Variants in LIN28B observed in about 807,000 individuals in gnomAD.
The protein encoded by LIN28B is lin-28 RNA binding posttranscriptional regulator B, also known as protein lin-28 homolog B.
A neutral mutation model predicts 21.9 loss-of-function variants in LIN28B; 5 were observed. That is an observed-to-expected ratio of 0.23 (90% CI 0.12 to 0.48). LIN28B has a LOEUF of 0.48. Ranked by LOEUF, LIN28B falls within the 20% of genes least tolerant of loss-of-function variation. The pLI is 0.98. For synonymous variants in LIN28B, 109 were observed against 111.3 expected, an observed-to-expected ratio of 0.98 and a Z score of 0.13; for missense variants, 245 against 310.5, an observed-to-expected ratio of 0.79 and a Z score of 1.58.
intron 3 of LIN28B, among the ~76,000 whole-genome samples, chr6:105,072,104 G>GTGTGTA (rs1374384138): frequency 6.6e-6 from 1 of 152,018 alleles, no homozygotes; most frequent in African/African-American, 2.4e-5. Flanking sequence ...GTGTGTGTGT[G>GTGTGTA]TGTGTATTAG....
intron 3 of LIN28B, among the ~76,000 whole-genome samples, chr6:105,049,562 A>C (rs1407937240): frequency 6.6e-6 from 1 of 151,930 alleles, no homozygotes; most frequent in East Asian, 1.9e-4. Flanking sequence ...ATCCTTGTTA[A>C]CTTTCTGTCT....
intron 2 of LIN28B, among the ~76,000 whole-genome samples, chr6:104,982,092 A>G (rs528255224): frequency 2.0e-5 from 3 of 152,212 alleles, no homozygotes; most frequent in Admixed American, 2.0e-4. Flanking sequence ...AGGTGGGCGG[A>G]TCATCAGGTC....
chr6:105,019,244 A>G (rs1403670143), intron 2 of LIN28B, among the ~76,000 whole-genome samples: 3 of 152,076 alleles, frequency 2.0e-5, no homozygotes, highest in South Asian at 2.1e-4. Context: ...CACCGCGCCC[A>G]TCTGGTCTTT....
rs1004486301 is a variant in LIN28B at position 105,063,638 on chromosome 6, G to C, written c.384-14776G>C. ...GCGACAGAGCAAGACTCCATCTCGG[G>C]GGGGGGGGGGAAAAAAAGGTAAAGT... is the stretch of plus-strand genomic sequence containing the variant. On this transcript the variant is annotated intron_variant, in intron 3 of 3. Coordinates refer to ENST00000345080, the MANE Select transcript of LIN28B (RefSeq NM_001004317.4). Among the ~76,000 whole-genome samples, 72 of 100,804 alleles carry C rather than the reference G, an allele frequency of 7.1e-4. 1 individual carries two copies. The highest frequency in any genetic ancestry group is 4.3e-3 in the Middle Eastern group (1 of 234). The allele number at this position is 100,804 out of a possible 152,430, so 66.1% of individuals were successfully genotyped here. A position where few individuals can be genotyped will look rare whatever the true frequency, so the allele number is the denominator to read the frequency against.
chr6:105,055,989 G>T (rs1248710436), intron 3 of LIN28B, among the ~76,000 whole-genome samples: 2 of 131,714 alleles, frequency 1.5e-5, no homozygotes, highest in Admixed American at 1.9e-4. Flanking sequence ...CTGAACTCCT[G>T]GGCTCAAGCA....
chr6:105,058,432 G>C (rs1473608998), intron 3 of LIN28B, among the ~76,000 whole-genome samples: 1 of 152,200 alleles, frequency 6.6e-6, no homozygotes, highest in Non-Finnish European at 1.5e-5. Flanking sequence ...ATTCTGGACA[G>C]ATCTTAGGCT....
intron 3 of LIN28B, among the ~76,000 whole-genome samples, chr6:105,037,225 A>G (rs960909065): frequency 1.3e-5 from 2 of 152,100 alleles, no homozygotes; most frequent in Non-Finnish European, 2.9e-5. Flanking sequence ...GAATCCTTCC[A>G]CTGAAATACT....
At chr6:105,037,002 G>A (rs1344177695) in intron 3 of LIN28B, among the ~76,000 whole-genome samples, 1 of 152,138 alleles carries the variant, frequency 6.6e-6, no homozygotes, top group Admixed American at 6.5e-5. Context: ...ATTGTTCAGA[G>A]TATCACTTGT....
chr6:105,015,577 G>A (rs9500013), intron 2 of LIN28B, among the ~76,000 whole-genome samples: 3,415 of 152,044 alleles, frequency 0.022, 153 homozygotes, highest in African/African-American at 0.079. Flanking sequence ...ATATTCTTCT[G>A]TTTATCTCAT....
At chr6:104,961,675 C>T (rs892522268) in intron 2 of LIN28B, among the ~76,000 whole-genome samples, 1 of 152,176 alleles carries the variant, frequency 6.6e-6, no homozygotes, top group African/African-American at 2.4e-5. Context: ...GCTGGGATTA[C>T]AGGCGTGAGC....
At chr6:104,958,843 G>T (rs1769647783) in intron 2 of LIN28B, among the ~76,000 whole-genome samples, 1 of 152,142 alleles carries the variant, frequency 6.6e-6, no homozygotes, top group Non-Finnish European at 1.5e-5. Context: ...GGCCTAATGT[G>T]GTTGTAAAGA....
intron 2 of LIN28B, among the ~76,000 whole-genome samples, chr6:104,992,644 C>T (rs1770515664): frequency 1.3e-5 from 2 of 152,048 alleles, no homozygotes; most frequent in East Asian, 3.9e-4. Context: ...TAGCTGGGAT[C>T]ACGGTCATGT....
At chr6:104,966,915 C>A (rs545188442) in intron 2 of LIN28B, among the ~76,000 whole-genome samples, 1 of 152,226 alleles carries the variant, frequency 6.6e-6, no homozygotes, top group East Asian at 1.9e-4. Flanking sequence ...GCCACCGCGC[C>A]CAACCTCTGG....
At chr6:105,066,962 T>C (rs1185314497) in intron 3 of LIN28B, among the ~76,000 whole-genome samples, 1 of 152,074 alleles carries the variant, frequency 6.6e-6, no homozygotes, top group Non-Finnish European at 1.5e-5. Context: ...GACACAAAGC[T>C]CTAGTGGAAT....
chr6:104,957,230 G>C lies in LIN28B; in HGVS notation c.-21G>C, dbSNP rs764187599. The C allele has an allele frequency of 4.3e-6, 7 of 1,613,626 alleles. No homozygotes were observed. The highest frequency in any genetic ancestry group is 5.9e-6 in the Non-Finnish European group (7 of 1,179,706). ...AAAGTTTTCATCTCACGAGTTTGGA[G>C]CTGAGGGCCCGTGGGGCAACATGGC... On this transcript the variant is annotated 5_prime_UTR_variant, in exon 1 of 4. Transcript: ENST00000345080.
intron 3 of LIN28B, chr6:104,950,551 T>C: frequency 9.0e-7 from 1 of 1,116,582 alleles, no homozygotes; most frequent in East Asian, 3.2e-5. Flanking sequence ...GTTTAATTAA[T>C]GTTTTAAAAG....
rs1772552957 is a variant in LIN28B at position 105,082,187 on chromosome 6, G to C, written c.*3404G>C. On this transcript the variant is annotated 3_prime_UTR_variant, in exon 4 of 4. Transcript: ENST00000345080. ...TGTATTTTTGCAGTTGAAAGATTTAGAAAGATTTTTACCTGCTTATAACTT... is the reference window on the plus strand; with the variant it reads ...TGTATTTTTGCAGTTGAAAGATTTACAAAGATTTTTACCTGCTTATAACTT... 6.6e-6 allele frequency: 1 copy of C among 152,594 alleles called. No individual in the cohort carries two copies. Among genetic ancestry groups the C allele is most frequent in the African/African-American group, 2.4e-5 (1 of 41,432 alleles). 9.5% of individuals were successfully genotyped at this position (152,594 alleles called of 1,614,324 possible).
chr6:104,941,373 T>A (rs1482423406), intron 2 of LIN28B: 1 of 145,632 alleles, frequency 6.9e-6, no homozygotes, highest in Admixed American at 6.9e-5. Context: ...GTGTGGGCAC[T>A]GCGTTGCCAC....
intron 2 of LIN28B, among the ~76,000 whole-genome samples, chr6:104,976,059 T>A (rs1055521740): frequency 1.1e-4 from 17 of 152,108 alleles, no homozygotes; most frequent in Admixed American, 2.0e-4. Flanking sequence ...GCCAGCAGTG[T>A]CACCCCAGGG....
Sources: gnomAD v4.1 joint callset for allele counts (sites outside exome capture counted in the v4.1 genomes callset) on GRCh38, gnomAD v4.1.1 for gene constraint, MANE v1.5 for transcripts, NCBI Gene and HGNC (gene_info 2026-07-23, HGNC 2026-07-21) for gene names.